The following PAPPA2 variants were observed in gnomAD, a reference collection of about 807,000 sequenced individuals.
PAPPA2 encodes the protein pappalysin 2.
In PAPPA2, 86 loss-of-function variants were observed where a neutral mutation model predicts 176.4. That is an observed-to-expected ratio of 0.49 (90% confidence interval 0.41 to 0.58). The LOEUF is 0.58. Among genes scored for constraint, PAPPA2 ranks in the 20% least tolerant of loss-of-function variants. The probability of loss-of-function intolerance (pLI) is 0.00; values close to 1 mark genes in which losing one functional copy is unlikely to be tolerated. For synonymous variants in PAPPA2, 809 were observed against 852.2 expected (o/e 0.95, Z 0.88); for missense variants, 2,073 against 2,256.9 (o/e 0.92, Z 1.65).
At chr1:176,641,602 T>C (rs1462500114) in intron 3 of PAPPA2, among the ~76,000 whole-genome samples, 1 of 152,028 alleles carries the variant, frequency 6.6e-6, no homozygotes, top group African/African-American at 2.4e-5. Context: ...AGCCTTGTAG[T>C]ATAGTTTGAA....
chr1:176,534,137 A>G (rs1462239996), intron 1 of PAPPA2, among the ~76,000 whole-genome samples: 2 of 152,240 alleles, frequency 1.3e-5, no homozygotes, highest in Non-Finnish European at 2.9e-5. Context: ...ATTATTGGAT[A>G]GCACTGATCT....
intron 21 of PAPPA2, among the ~76,000 whole-genome samples, chr1:176,812,789 ATTATT>A (rs1335804747): frequency 2.0e-5 from 3 of 151,296 alleles, no homozygotes; most frequent in Non-Finnish European, 2.9e-5. Flanking sequence ...TTCTTAAACT[ATTATT>A]TTAAGTTTAA....
chr1:176,474,208 A>G (rs949718167), intron 1 of PAPPA2, among the ~76,000 whole-genome samples: 1 of 152,172 alleles, frequency 6.6e-6, no homozygotes, highest in Non-Finnish European at 1.5e-5. Context: ...TTTTTTACTT[A>G]CTTTACATGT....
At chr1:176,773,051 C>T (rs186643471) in intron 17 of PAPPA2, among the ~76,000 whole-genome samples, 260 of 152,134 alleles carry the variant, frequency 1.7e-3, no homozygotes, top group African/African-American at 6.0e-3. Context: ...GGCCTCCACC[C>T]AGAACTCTGG....
chr1:176,840,022 C>A, intron 21 of PAPPA2, 151 bp from the exon 22 acceptor site: 1 of 581,694 alleles, frequency 1.7e-6, no homozygotes, highest in Non-Finnish European at 3.0e-6. Flanking sequence ...CAACTTCTTG[C>A]AAATATTAGG....
intron 3 of PAPPA2, among the ~76,000 whole-genome samples, chr1:176,638,034 A>C (rs1656825271): frequency 6.6e-6 from 1 of 152,108 alleles, no homozygotes; most frequent in Admixed American, 6.6e-5. Flanking sequence ...TGTCATCCCA[A>C]GTGCCTTGCA....
At chr1:176,498,136 G>A (rs1290345325) in intron 1 of PAPPA2, among the ~76,000 whole-genome samples, 4 of 152,136 alleles carry the variant, frequency 2.6e-5, no homozygotes, top group Admixed American at 6.5e-5. Context: ...CAACTCTAAA[G>A]TTACCGTTTT....
At chr1:176,833,415 C>G (rs1455868533) in intron 21 of PAPPA2, among the ~76,000 whole-genome samples, 1 of 152,210 alleles carries the variant, frequency 6.6e-6, no homozygotes, top group African/African-American at 2.4e-5. Flanking sequence ...TACATAAAAA[C>G]TCCCTACCTT....
chr1:176,543,929 G>A (rs1236619803), intron 1 of PAPPA2, among the ~76,000 whole-genome samples: 1 of 152,212 alleles, frequency 6.6e-6, no homozygotes, highest in African/African-American at 2.4e-5. Context: ...GTAAGGGAGG[G>A]TGGAAGCCAG....
intron 2 of PAPPA2, among the ~76,000 whole-genome samples, chr1:176,573,283 C>G (rs1350593196): frequency 6.6e-6 from 1 of 152,150 alleles, no homozygotes; most frequent in Non-Finnish European, 1.5e-5. Context: ...ACATGAATTC[C>G]TATTTTTGTT....
chr1:176,553,666 C>T (rs986737250), intron 1 of PAPPA2: 1 of 152,044 alleles, frequency 6.6e-6, no homozygotes, highest in Non-Finnish European at 1.5e-5. Context: ...GATCCCTACA[C>T]ATTAAAAGGG....
chr1:176,575,878 C>G (rs912593163), intron 2 of PAPPA2, among the ~76,000 whole-genome samples: 8 of 152,202 alleles, frequency 5.3e-5, no homozygotes, highest in African/African-American at 1.9e-4. Flanking sequence ...CCATTTGGGT[C>G]AGAGCATACA....
intron 3 of PAPPA2, among the ~76,000 whole-genome samples, chr1:176,609,525 A>G (rs1437423154): frequency 6.6e-6 from 1 of 152,218 alleles, no homozygotes; most frequent in Non-Finnish European, 1.5e-5. Context: ...TGAAAAGATG[A>G]TATTTGAGCA....
intron 20 of PAPPA2, among the ~76,000 whole-genome samples, chr1:176,796,616 TTTTC>T (rs71129584): frequency 2.6e-5 from 3 of 116,450 alleles, no homozygotes; most frequent in African/African-American, 1.3e-4. Flanking sequence ...TTTTCTTTTC[TTTTC>T]TTTCTTTCTT....
intron 8 of PAPPA2, among the ~76,000 whole-genome samples, chr1:176,700,961 GC>G (rs1660626412): frequency 6.6e-6 from 1 of 151,942 alleles, no homozygotes; most frequent in South Asian, 2.1e-4. Context: ...TGCAAAGGTA[GC>G]TTTAAAAAGA....
At chr1:176,718,934 A>C (rs1403443301) in intron 12 of PAPPA2, among the ~76,000 whole-genome samples, 1 of 151,942 alleles carries the variant, frequency 6.6e-6, no homozygotes, top group African/African-American at 2.4e-5. Context: ...CCTATACTAT[A>C]TATACTTTGT....
At chr1:176,777,594 G>A (rs1056733382) in intron 17 of PAPPA2, among the ~76,000 whole-genome samples, 8 of 152,086 alleles carry the variant, frequency 5.3e-5, no homozygotes, top group Non-Finnish European at 4.4e-5. Flanking sequence ...TACAGGCTCT[G>A]GCATTATTGA....
intron 3 of PAPPA2, among the ~76,000 whole-genome samples, chr1:176,606,613 C>T (rs766308932): frequency 3.3e-5 from 5 of 152,034 alleles, no homozygotes; most frequent in African/African-American, 7.2e-5. Flanking sequence ...TACAGATGTG[C>T]GGCACCATGC....
At position 176,556,511 on chromosome 1, in the gene PAPPA2, A is replaced by G. The variant is rs1221934633; in HGVS notation, c.189A>G (p.Pro63=). The G allele has an allele frequency of 6.2e-7, 1 of 1,614,202 alleles. No individual in the cohort carries two copies. The highest frequency in any genetic ancestry group is 8.5e-7 in the Non-Finnish European group (1 of 1,180,024). Residue 63 remains proline, a synonymous_variant, in exon 2 of 23, where the codon CCA becomes CCG. Coordinates refer to ENST00000367662, the MANE Select transcript of PAPPA2 (RefSeq NM_020318.3). ...GAKVRRPRAS[P]QHHLFGVYPS... Reference sequence around the variant, plus strand: ...AGGTTCGAAGACCCAGAGCTTCTCCACAGCATCACCTCTTTGGAGTCTACC... The same window carrying G: ...AGGTTCGAAGACCCAGAGCTTCTCCGCAGCATCACCTCTTTGGAGTCTACC...
Sources: gnomAD v4.1 joint callset for allele counts (sites outside exome capture counted in the v4.1 genomes callset) on GRCh38, gnomAD v4.1.1 for gene constraint, MANE v1.5 for transcripts, NCBI Gene and HGNC (gene_info 2026-07-23, HGNC 2026-07-21) for gene names.